KCTD16: variants seen among roughly 807,000 people sequenced by gnomAD.
KCTD16 encodes the protein BTB/POZ domain-containing protein KCTD16.
A neutral mutation model predicts 33.2 loss-of-function variants in KCTD16; 13 were observed. The observed-to-expected ratio is 0.39, with a 90% CI of 0.25 to 0.62. The LOEUF is 0.62. Among genes scored for constraint, KCTD16 ranks in the 20% least tolerant of loss-of-function variants. The probability of loss-of-function intolerance (pLI) is 0.50; values close to 1 mark genes in which losing one functional copy is unlikely to be tolerated. For synonymous variants in KCTD16, 197 were observed against 195.3 expected, an observed-to-expected ratio of 1.01 and a Z score of -0.07; for missense variants, 441 against 525.1, an observed-to-expected ratio of 0.84 and a Z score of 1.57.
rs554061712 is a variant in KCTD16 at position 144,317,590 on chromosome 5, C to T, written c.832+110044C>T. On this transcript the variant is annotated intron_variant, in intron 3 of 3. Coordinates refer to ENST00000512467, the MANE Select transcript of KCTD16 (RefSeq NM_020768.4). The stretch of plus-strand genomic sequence containing the variant: ...CTGCCCCACCATTTAGCCAAATGAG[C>T]GTGCCATTTTGTTTCTAGTGTCAGT... 7.6e-4 allele frequency among the ~76,000 whole-genome samples: 115 copies of T among 152,280 alleles called. 1 individual carries two copies. Among genetic ancestry groups the T allele is most frequent in the Non-Finnish European group, 1.3e-3 (91 of 68,024 alleles).
intron 3 of KCTD16, among the ~76,000 whole-genome samples, chr5:144,405,449 G>A (rs755794833): frequency 1.3e-5 from 2 of 152,194 alleles, no homozygotes; most frequent in Non-Finnish European, 2.9e-5. Flanking sequence ...CTGTCACAGC[G>A]TGCATCTCAT....
At chr5:144,243,638 C>A (rs1395427656) in intron 3 of KCTD16, among the ~76,000 whole-genome samples, 1 of 152,146 alleles carries the variant, frequency 6.6e-6, no homozygotes, top group Non-Finnish European at 1.5e-5. Flanking sequence ...TTTATTTTTA[C>A]TTAAAGCAGA....
At chr5:144,356,763 C>T (rs1751580420) in intron 3 of KCTD16, among the ~76,000 whole-genome samples, 1 of 152,018 alleles carries the variant, frequency 6.6e-6, no homozygotes, top group South Asian at 2.1e-4. Context: ...CTCCCCAACA[C>T]CTAATGCTGA....
chr5:144,393,969 T>C (rs889499073), intron 3 of KCTD16, among the ~76,000 whole-genome samples: 9 of 147,318 alleles, frequency 6.1e-5, no homozygotes, highest in South Asian at 2.1e-4. Context: ...TTTTCTTTTT[T>C]TTTTTTTTTT....
chr5:144,249,903 C>T (rs1754649517), intron 3 of KCTD16, among the ~76,000 whole-genome samples: 1 of 152,170 alleles, frequency 6.6e-6, no homozygotes, highest in African/African-American at 2.4e-5. Flanking sequence ...GGCACTGATA[C>T]TGTCAGAAGG....
At chr5:144,371,790 C>T (rs927272591) in intron 3 of KCTD16, among the ~76,000 whole-genome samples, 1 of 151,830 alleles carries the variant, frequency 6.6e-6, no homozygotes, top group African/African-American at 2.4e-5. Context: ...ACTTCTGTTC[C>T]TTTCTCCTGT....
intron 3 of KCTD16, among the ~76,000 whole-genome samples, chr5:144,229,987 CA>C (rs1356077004): frequency 2.6e-5 from 4 of 152,052 alleles, no homozygotes; most frequent in Non-Finnish European, 5.9e-5. Context: ...ACTAAAAATA[CA>C]AAAATCAGCT....
In KCTD16 at chr5:144,482,866, A is replaced by AT. The variant is rs1036779695; in HGVS notation, c.*8756dup. On this transcript the variant is annotated 3_prime_UTR_variant, in exon 4 of 4. Transcript: ENST00000512467. Reference sequence around the variant, plus strand: ...AAAGCTCATAGTTTAAAACTTTGGAATTTTCAGTTTGGAGAACTTATTATT... The same window carrying AT: ...AAAGCTCATAGTTTAAAACTTTGGAATTTTTCAGTTTGGAGAACTTATTATT... 3 of 151,666 alleles carry AT rather than the reference A, an allele frequency of 2.0e-5. No homozygotes were observed. The highest frequency in any genetic ancestry group is 7.3e-5 in the African/African-American group (3 of 41,326). The allele number at this position is 151,666 out of a possible 1,614,324, so 9.4% of individuals were successfully genotyped here.
intron 3 of KCTD16, among the ~76,000 whole-genome samples, chr5:144,315,151 A>G (rs185696576): frequency 7.9e-5 from 12 of 152,306 alleles, no homozygotes; most frequent in Admixed American, 5.9e-4. Context: ...GGCAAGATCC[A>G]TGTTTTGTGA....
intron 2 of KCTD16, among the ~76,000 whole-genome samples, chr5:144,180,397 T>A (rs185501475): frequency 6.6e-6 from 1 of 152,348 alleles, no homozygotes; most frequent in East Asian, 1.9e-4. Context: ...TTCTGCCATA[T>A]TTCTCAATGT....
chr5:144,402,549 T>G (rs1752727537), intron 3 of KCTD16, among the ~76,000 whole-genome samples: 1 of 152,214 alleles, frequency 6.6e-6, no homozygotes, highest in South Asian at 2.1e-4. Context: ...AAGTTATTGT[T>G]TCTTGACCTC....
At chr5:144,412,983 G>T (rs1473975377) in intron 3 of KCTD16, among the ~76,000 whole-genome samples, 1 of 152,126 alleles carries the variant, frequency 6.6e-6, no homozygotes, top group Non-Finnish European at 1.5e-5. Context: ...GGCTAGAATA[G>T]AATAATTTGA....
chr5:144,280,060 T>G (rs1460623325), intron 3 of KCTD16, among the ~76,000 whole-genome samples: 1 of 152,212 alleles, frequency 6.6e-6, no homozygotes, highest in East Asian at 1.9e-4. Context: ...TTACTGGATT[T>G]GACTTTTTAA....
At chr5:144,409,611 C>T (rs1752887060) in intron 3 of KCTD16, among the ~76,000 whole-genome samples, 1 of 151,992 alleles carries the variant, frequency 6.6e-6, no homozygotes, top group Non-Finnish European at 1.5e-5. Flanking sequence ...GTAATCCCAG[C>T]ACTTTGGGAG....
intron 3 of KCTD16, among the ~76,000 whole-genome samples, chr5:144,385,966 G>A (rs1231878060): frequency 1.3e-5 from 2 of 152,132 alleles, no homozygotes; most frequent in African/African-American, 4.8e-5. Context: ...TCATGGTAGA[G>A]AGTGAGGCTG....
chr5:144,248,390 G>A (rs551025922), intron 3 of KCTD16, among the ~76,000 whole-genome samples: 38 of 152,326 alleles, frequency 2.5e-4, no homozygotes, highest in Non-Finnish European at 4.7e-4. Flanking sequence ...CAAGAAGGCC[G>A]GTGTGGATGA....
At chr5:144,316,826 C>CTTTTTT (rs34796022) in intron 3 of KCTD16, among the ~76,000 whole-genome samples, 5 of 111,170 alleles carry the variant, frequency 4.5e-5, no homozygotes, top group East Asian at 2.6e-4. Context: ...GCCAGCATCC[C>CTTTTTT]TTTTTTTTTT....
At chr5:144,465,444 G>C (rs1009751404) in intron 3 of KCTD16, among the ~76,000 whole-genome samples, 2 of 151,996 alleles carry the variant, frequency 1.3e-5, no homozygotes, top group Non-Finnish European at 2.9e-5. Flanking sequence ...CTTCCCAACT[G>C]TATACCTGAC....
intron 2 of KCTD16, among the ~76,000 whole-genome samples, chr5:144,199,706 C>CTTTTT (rs1753004869): frequency 7.8e-5 from 8 of 102,446 alleles, no homozygotes; most frequent in African/African-American, 2.5e-4. Context: ...AGAACAGCTT[C>CTTTTT]ATTTTTTTTT....
Sources: allele counts gnomAD v4.1 joint callset (sites outside exome capture counted in the v4.1 genomes callset), GRCh38; gene constraint gnomAD v4.1.1; transcripts MANE v1.5; gene names NCBI Gene and HGNC (gene_info 2026-07-23, HGNC 2026-07-21).